The following HDAC4 variants were observed in gnomAD, a reference collection of about 807,000 sequenced individuals.
HDAC4 encodes histone deacetylase A.
A neutral mutation model predicts 135.1 loss-of-function variants in HDAC4; 16 were observed. The observed-to-expected ratio is 0.12, with a 90% CI of 0.08 to 0.18. HDAC4 has a LOEUF of 0.18. Among genes scored for constraint, HDAC4 ranks in the 10% least tolerant of loss-of-function variants. HDAC4 has a pLI of 1.00. For missense variants in HDAC4, 1,143 were observed against 1,511.8 expected (o/e 0.76, Z 4.05); for synonymous variants, 685 against 653.4 (o/e 1.05, Z -0.74).
intron 1 of HDAC4, among the ~76,000 whole-genome samples, chr2:239,392,307 A>AAGG (rs1559405516): frequency 6.6e-6 from 1 of 152,278 alleles, no homozygotes; most frequent in Non-Finnish European, 1.5e-5. Flanking sequence ...CCTTTGATGC[A>AAGG]TCCTTCTGAC....
intron 1 of HDAC4, among the ~76,000 whole-genome samples, chr2:239,373,849 G>C (rs987315536): frequency 1.3e-5 from 2 of 152,118 alleles, no homozygotes; most frequent in African/African-American, 2.4e-5. Context: ...CTAGAGATCC[G>C]GGGTCAATGA....
intron 2 of HDAC4, among the ~76,000 whole-genome samples, chr2:239,318,652 G>A (rs1307163569): frequency 1.3e-5 from 2 of 149,642 alleles, no homozygotes; most frequent in Admixed American, 6.7e-5. Context: ...TTGGGGGAAG[G>A]CATCACATCT....
chr2:239,201,276 G>C (rs192516225), intron 3 of HDAC4, among the ~76,000 whole-genome samples: 125 of 152,242 alleles, frequency 8.2e-4, no homozygotes, highest in African/African-American at 2.9e-3. Flanking sequence ...GGTCACCCAG[G>C]GGGGTGCCTC....
chr2:239,052,860 C>G lies in HDAC4; in HGVS notation c.*237G>C. 1.7e-6 allele frequency: 1 copy of G among 575,330 alleles called. No individual in the cohort carries two copies. 35.6% of individuals were successfully genotyped at this position (575,330 alleles called of 1,614,324 possible). A position where few individuals can be genotyped will look rare whatever the true frequency, so the allele number is the denominator to read the frequency against. On this transcript the variant is annotated 3_prime_UTR_variant, in exon 27 of 27. Transcript: ENST00000543185. Reference sequence around the variant, plus strand: ...GCTTCCGCGTGTCCGTGTGTCTGCGCGTCGCCGGCGTCTGTCCCGTGTTCC... The same window carrying G: ...GCTTCCGCGTGTCCGTGTGTCTGCGGGTCGCCGGCGTCTGTCCCGTGTTCC...
chr2:239,366,292 C>T (rs1355655162), intron 1 of HDAC4, among the ~76,000 whole-genome samples: 2 of 152,208 alleles, frequency 1.3e-5, no homozygotes, highest in Admixed American at 6.5e-5. Context: ...CAGGGTCACG[C>T]GTGTGGCACT....
intron 3 of HDAC4, among the ~76,000 whole-genome samples, chr2:239,207,331 A>G (rs2046105988): frequency 1.3e-5 from 2 of 152,206 alleles, no homozygotes; most frequent in Admixed American, 6.5e-5. Flanking sequence ...TTAAGAAATT[A>G]GAAAAGCAAC....
chr2:239,297,026 GTA>G (rs1491442523), intron 2 of HDAC4, among the ~76,000 whole-genome samples: 3 of 60,116 alleles, frequency 5.0e-5, no homozygotes, highest in Non-Finnish European at 9.4e-5. Context: ...TTGTTTTCAT[GTA>G]AAAAAAAAAA....
intron 1 of HDAC4, among the ~76,000 whole-genome samples, chr2:239,380,938 G>A (rs1695376925): frequency 6.6e-6 from 1 of 152,202 alleles, no homozygotes; most frequent in Admixed American, 6.5e-5. Flanking sequence ...TCACCCCTCA[G>A]CAGCGCCTCC....
intron 2 of HDAC4, among the ~76,000 whole-genome samples, chr2:239,326,569 T>C (rs1306873622): frequency 6.6e-6 from 1 of 152,184 alleles, no homozygotes; most frequent in Non-Finnish European, 1.5e-5. Context: ...GAAATTAATA[T>C]ACATGTTGGT....
At chr2:239,126,404 G>A (rs201703255) in intron 12 of HDAC4, 52 bp downstream of exon 12, 112 of 1,611,264 alleles carry the variant, frequency 7.0e-5, no homozygotes, top group Non-Finnish European at 8.2e-5. Context: ...AGGCTGAAGC[G>A]CACAGCACAC....
chr2:239,253,568 T>C (rs1187432639), intron 2 of HDAC4, among the ~76,000 whole-genome samples: 2 of 152,350 alleles, frequency 1.3e-5, no homozygotes, highest in East Asian at 3.9e-4. Flanking sequence ...AACACAGAGC[T>C]ACAGAACACA....
chr2:239,194,987 C>T (rs1191594175), intron 3 of HDAC4, among the ~76,000 whole-genome samples: 1 of 152,182 alleles, frequency 6.6e-6, no homozygotes, highest in East Asian at 1.9e-4. Context: ...GAGTGCGGGT[C>T]CCCTGAGGAG....
intron 3 of HDAC4, among the ~76,000 whole-genome samples, chr2:239,214,031 T>C (rs534871215): frequency 6.6e-6 from 1 of 152,254 alleles, no homozygotes; most frequent in East Asian, 1.9e-4. Flanking sequence ...CTCTGGGTGT[T>C]AGCTTCTTGT....
rs6754748 is a variant in HDAC4, at chr2:239,143,712, G to T, written c.865+871C>A. Among the ~76,000 whole-genome samples the T allele has an allele frequency of 3.0e-3, 457 of 152,342 alleles. 1 individual carries two copies. The highest frequency in any genetic ancestry group is 0.01 in the Middle Eastern group (3 of 294). ...TGCTGAAGCAGAGTCCCTGTGTGAT[G>T]CCAATGCTCGCACACACGGGGCATG... On this transcript the variant is annotated intron_variant, in intron 8 of 26. Transcript: ENST00000543185.
chr2:239,158,331 G>A (rs2042555103), intron 6 of HDAC4, among the ~76,000 whole-genome samples: 1 of 152,180 alleles, frequency 6.6e-6, no homozygotes, highest in African/African-American at 2.4e-5. Context: ...GAAACACGGA[G>A]TGACTTGTAC....
chr2:239,367,514 C>T (rs992761615), intron 1 of HDAC4, among the ~76,000 whole-genome samples: 10 of 152,034 alleles, frequency 6.6e-5, no homozygotes, highest in African/African-American at 2.4e-4. Context: ...TCTAAGAATC[C>T]ACAAACCAAA....
chr2:239,395,987 G>T (rs1019886138), intron 1 of HDAC4, among the ~76,000 whole-genome samples: 2 of 151,906 alleles, frequency 1.3e-5, no homozygotes, highest in Admixed American at 1.3e-4. Context: ...AACTTTTTTG[G>T]GGGGGACAGC....
intron 2 of HDAC4, among the ~76,000 whole-genome samples, chr2:239,237,929 A>G (rs1157327220): frequency 6.6e-6 from 1 of 152,236 alleles, no homozygotes; most frequent in Non-Finnish European, 1.5e-5. Context: ...AGACAGTAAG[A>G]CACTGGGCAT....
At chr2:239,312,790 A>C (rs1412100252) in intron 2 of HDAC4, among the ~76,000 whole-genome samples, 1 of 152,204 alleles carries the variant, frequency 6.6e-6, no homozygotes. Context: ...GTGGTGGCCC[A>C]GCTGCCGTGG....
Sources: allele counts gnomAD v4.1 joint callset (sites outside exome capture counted in the v4.1 genomes callset), GRCh38; gene constraint gnomAD v4.1.1; transcripts MANE v1.5; gene names NCBI Gene and HGNC (gene_info 2026-07-23, HGNC 2026-07-21).